The following ZNF592 variants were observed in gnomAD, a reference collection of about 807,000 sequenced individuals.
ZNF592 encodes the protein spinocerebellar ataxia, autosomal recessive 5.
A neutral mutation model predicts 80.3 loss-of-function variants in ZNF592; 11 were observed. That is an observed-to-expected ratio of 0.14 (90% CI 0.09 to 0.23). ZNF592 has a LOEUF of 0.23. ZNF592 is among the 10% of genes least tolerant of loss of function. The pLI, the probability that ZNF592 is intolerant of heterozygous loss-of-function variation, is 1.00. For synonymous variants in ZNF592, 646 were observed against 640.3 expected (o/e 1.01, Z -0.13); for missense variants, 1,420 against 1,633.9 (o/e 0.87, Z 2.26).
At chr15:84,771,641 A>G (rs1373125106) in intron 2 of ZNF592, among the ~76,000 whole-genome samples, 1 of 152,188 alleles carries the variant, frequency 6.6e-6, no homozygotes, top group Non-Finnish European at 1.5e-5. Flanking sequence ...AGTGGAGGAA[A>G]GACAAGTAAA....
chr15:84,784,230 G>C lies in ZNF592; in HGVS notation c.1555G>C (p.Val519Leu). 6.2e-7 allele frequency: 1 copy of C among 1,614,238 alleles called. No homozygotes were observed. Among genetic ancestry groups the C allele is most frequent in the Non-Finnish European group, 8.5e-7 (1 of 1,180,052 alleles). Residue 519 changes from valine (V) to leucine (L), a missense_variant, in exon 4 of 11, where the codon GTG (valine) becomes CTG (leucine). Around this residue, in one of 7 missense-constraint regions of ZNF592, gnomAD observed 524 missense variants for 628.3 expected, o/e 0.83. Transcript: ENST00000560079. This position sits in a 1 kb window ranked among gnomAD's most constrained non-coding sequence, Gnocchi z 5.8. The stretch of plus-strand genomic sequence containing the variant: ...CGTCCCCCACAGTGTTGCTGCATCA[G>C]TGACAGCCAAGTCTTCAGTGCAAAG... ...NLVPHSVAAS[V>L]TAKSSVQRRS...
intron 4 of ZNF592, among the ~76,000 whole-genome samples, chr15:84,787,662 T>G (rs138376907): frequency 2.2e-4 from 33 of 152,322 alleles, no homozygotes; most frequent in African/African-American, 7.9e-4. Context: ...AGCCACGCTG[T>G]TGGGGCAGGA....
chr15:84,775,060 C>A (rs1455498200), intron 2 of ZNF592, among the ~76,000 whole-genome samples: 4 of 152,010 alleles, frequency 2.6e-5, no homozygotes, highest in Non-Finnish European at 4.4e-5. Context: ...AGATTACAGG[C>A]ATGAGTCCCA....
chr15:84,795,556 A>G (rs1048804843), intron 5 of ZNF592, among the ~76,000 whole-genome samples: 27 of 152,248 alleles, frequency 1.8e-4, no homozygotes, highest in Admixed American at 4.6e-4. Context: ...AGTTTGGTCA[A>G]ATGGCACAAA....
chr15:84,784,753 C>T lies in ZNF592; in HGVS notation c.2078C>T (p.Pro693Leu), dbSNP rs754701364. The T allele has an allele frequency of 8.7e-6, 14 of 1,614,048 alleles. No individual in the cohort carries two copies. In the African/African-American group the frequency reaches 1.7e-4, roughly 20 times the overall value. The part of the protein sequence containing the change: ...HGLTSGSASP[P>L]PPALPLYPDP... ...CTCACTTCGGGCAGTGCCAGTCCCCCTCCTCCAGCCTTGCCACTCTACCCA... is the reference window on the plus strand; with the variant it reads ...CTCACTTCGGGCAGTGCCAGTCCCCTTCCTCCAGCCTTGCCACTCTACCCA... The change falls in exon 4 of 11, where the codon CCT (proline) becomes CTT (leucine). Residue 693 changes from proline (P) to leucine (L), a missense_variant. By Grantham distance (98) the Pro-to-Leu change is moderately conservative. Coordinates refer to ENST00000560079, the MANE Select transcript of ZNF592 (RefSeq NM_014630.3). This position sits in a 1 kb window ranked among gnomAD's most constrained non-coding sequence, Gnocchi z 5.8.
At chr15:84,795,522 A>AT (rs1491105650) in intron 5 of ZNF592, among the ~76,000 whole-genome samples, 1 of 152,274 alleles carries the variant, frequency 6.6e-6, no homozygotes, top group Non-Finnish European at 1.5e-5. Context: ...TTCGAAAAGA[A>AT]TGTATTTCTA....
chr15:84,802,335 A>C lies in ZNF592; in HGVS notation c.3746A>C (p.His1249Pro). ...APEDDGGHND[H>P]SQPQASQDQD... ...GAGGACGATGGTGGCCACAATGATCACAGTCAACCACAGGCCTCTCAGGAC... is the reference window on the plus strand; with the variant it reads ...GAGGACGATGGTGGCCACAATGATCCCAGTCAACCACAGGCCTCTCAGGAC... Residue 1249 changes from histidine to proline, a missense_variant, in exon 11 of 11, where the codon CAC becomes CCC. Coordinates refer to ENST00000560079, the MANE Select transcript of ZNF592 (RefSeq NM_014630.3). 6.2e-7 allele frequency: 1 copy of C among 1,613,962 alleles called. No homozygotes were observed. The highest frequency in any genetic ancestry group is 8.5e-7 in the Non-Finnish European group (1 of 1,180,028).
chr15:84,765,236 G>T (rs965468528), intron 2 of ZNF592, among the ~76,000 whole-genome samples: 1 of 152,140 alleles, frequency 6.6e-6, no homozygotes, highest in Non-Finnish European at 1.5e-5. Context: ...TCCATTGTGT[G>T]TATATACCAC....
chr15:84,782,586 A>G, intron 3 of ZNF592, 71 bp from the exon 4 acceptor site: 1 of 1,397,838 alleles, frequency 7.2e-7, no homozygotes, highest in Non-Finnish European at 1.0e-6. Flanking sequence ...CATTAGTTTG[A>G]TGGGTGTGTA....
chr15:84,775,547 G>A (rs770817864), intron 2 of ZNF592, among the ~76,000 whole-genome samples: 38 of 151,998 alleles, frequency 2.5e-4, no homozygotes, highest in Non-Finnish European at 4.9e-4. Flanking sequence ...ATTCTCCTGC[G>A]TCGGCCTCCT....
chr15:84,757,498 A>G (rs764719177), intron 1 of ZNF592, among the ~76,000 whole-genome samples: 24 of 151,840 alleles, frequency 1.6e-4, no homozygotes, highest in African/African-American at 3.9e-4. Flanking sequence ...ATGGGCCACA[A>G]TGCCTGGTTA....
chr15:84,801,927 C>T lies in ZNF592; in HGVS notation c.3338C>T (p.Thr1113Ile), dbSNP rs748830189. 1 of 1,613,848 alleles carries T rather than the reference C, an allele frequency of 6.2e-7. No homozygotes were observed. Among genetic ancestry groups the T allele is most frequent in the African/African-American group, 1.3e-5 (1 of 74,912 alleles). The change falls in exon 11 of 11, where the codon ACT becomes ATT. Residue 1113 changes from threonine to isoleucine, a missense_variant. Thr to Ile is a moderately conservative substitution (Grantham distance 89). Transcript: ENST00000560079. ...GDAPGTSNGA[T>I]VSSTKRHKSL... ...GCTCCAGGCACCAGCAATGGCGCAA[C>T]TGTCTCTTCCACCAAAAGGCACAAG...
Position 84,805,940 on chromosome 15 carries a change from A to G in ZNF592, c.*3547A>G, listed in dbSNP as rs1567082123. 2 of 152,746 alleles carry G rather than the reference A, an allele frequency of 1.3e-5. No individual in the cohort carries two copies. Among genetic ancestry groups the G allele is most frequent in the South Asian group, 2.1e-4 (1 of 4,834 alleles). The allele number at this position is 152,746 out of a possible 1,614,324, so 9.5% of individuals were successfully genotyped here. A position where few individuals can be genotyped will look rare whatever the true frequency, so the allele number is the denominator to read the frequency against. On this transcript the variant is annotated 3_prime_UTR_variant, in exon 11 of 11. Transcript: ENST00000560079. Reference sequence around the variant, plus strand: ...CAAGTTTATAAATATGTATATTTATATATCTATTTTTAATACAAATAGTAG... The same window carrying G: ...CAAGTTTATAAATATGTATATTTATGTATCTATTTTTAATACAAATAGTAG...
chr15:84,775,730 G>A (rs1481840114), intron 2 of ZNF592, among the ~76,000 whole-genome samples: 6 of 151,800 alleles, frequency 4.0e-5, no homozygotes, highest in Admixed American at 2.0e-4. Context: ...GCGCCCGGCC[G>A]AATCATATTG....
In ZNF592 at chr15:84,798,127, G is replaced by T. The variant is rs1272707881; in HGVS notation, c.2576+82G>T. On this transcript the variant is annotated intron_variant, in intron 6 of 10. Transcript: ENST00000560079. This position sits in a 1 kb window ranked among gnomAD's most constrained non-coding sequence, Gnocchi z 4.5. ...GCTGTAGGGGGTGGCATAGGGATGG[G>T]TGAGGGAGCTGGGGTTAGTGGCAGA... 2 of 1,585,804 alleles carry T rather than the reference G, an allele frequency of 1.3e-6. No individual in the cohort carries two copies. Among genetic ancestry groups the T allele is most frequent in the Non-Finnish European group, 1.7e-6 (2 of 1,166,706 alleles).
chr15:84,769,061 C>A (rs1899622442), intron 2 of ZNF592, among the ~76,000 whole-genome samples: 1 of 152,154 alleles, frequency 6.6e-6, no homozygotes, highest in South Asian at 2.1e-4. Context: ...CTGCCTCAGC[C>A]TCCTGAGTAG....
At chr15:84,786,527 G>A (rs1203807780) in intron 4 of ZNF592, among the ~76,000 whole-genome samples, 2 of 152,162 alleles carry the variant, frequency 1.3e-5, no homozygotes, top group African/African-American at 4.8e-5. Context: ...AGAGGTCAGA[G>A]GTTGAGTTTG....
chr15:84,797,724 AG>A, intron 5 of ZNF592, 144 bp from the exon 6 acceptor site: 1 of 938,030 alleles, frequency 1.1e-6, no homozygotes, highest in Non-Finnish European at 1.7e-6. Context: ...GTACTTGTCA[AG>A]GGTGGAAGTC....
At chr15:84,749,683 C>T (rs983189849) in intron 1 of ZNF592, among the ~76,000 whole-genome samples, 1 of 152,186 alleles carries the variant, frequency 6.6e-6, no homozygotes, top group Admixed American at 6.5e-5. Flanking sequence ...GTGCTTCTGT[C>T]GCGGGTGCAG....
Sources: allele counts gnomAD v4.1 joint callset (sites outside exome capture counted in the v4.1 genomes callset), GRCh38; gene constraint gnomAD v4.1.1; regional missense constraint gnomAD v4.1.1; non-coding constraint Gnocchi (gnomAD v3.1); transcripts MANE v1.5; gene names NCBI Gene and HGNC (gene_info 2026-07-23, HGNC 2026-07-21).